STXBP4: variants seen among roughly 807,000 people sequenced by gnomAD.
STXBP4 encodes syntaxin-binding protein 4.
STXBP4 carries 55 observed loss-of-function variants against 76.1 expected under a neutral mutation model. The ratio of observed to expected loss-of-function variants is 0.72; its 90% CI spans 0.58 to 0.91. STXBP4 has a LOEUF of 0.91. STXBP4 is among the 40% of genes least tolerant of loss of function. STXBP4 has a pLI of 0.00. For synonymous variants in STXBP4, 201 were observed against 220.2 expected (o/e 0.91, Z 0.77); for missense variants, 618 against 636.9 (o/e 0.97, Z 0.32).
intron 4 of STXBP4, among the ~76,000 whole-genome samples, chr17:54,993,959 A>G (rs1161827487): frequency 6.6e-6 from 1 of 152,108 alleles, no homozygotes; most frequent in African/African-American, 2.4e-5. Context: ...GCCACCACCC[A>G]CCCCAAAAGT....
chr17:54,980,688 T>A (rs866987775), intron 1 of STXBP4, among the ~76,000 whole-genome samples: 2 of 152,330 alleles, frequency 1.3e-5, no homozygotes, highest in Middle Eastern at 6.8e-3. Context: ...TAGCCTCTCA[T>A]CCTTTTGTGG....
intron 12 of STXBP4, among the ~76,000 whole-genome samples, chr17:55,061,165 G>A (rs893843021): frequency 6.6e-6 from 1 of 152,194 alleles, no homozygotes; most frequent in Non-Finnish European, 1.5e-5. Flanking sequence ...GTAACAGCTA[G>A]TGCAGCTGAC....
chr17:55,185,289 T>TCC, the STXBP4 span, among the ~76,000 whole-genome samples: 8 of 115,626 alleles, frequency 6.9e-5, no homozygotes, highest in Middle Eastern at 4.3e-3. Context: ...CTCCTTCTCC[T>TCC]TCTCCTTCTC....
rs1230483740 is a variant in STXBP4, at chr17:55,167,242, A to C, written c.*7331A>C. The C allele has an allele frequency of 6.6e-6, 1 of 152,180 alleles. No individual in the cohort carries two copies. Among genetic ancestry groups the C allele is most frequent in the Non-Finnish European group, 1.5e-5 (1 of 68,032 alleles). 9.4% of individuals were successfully genotyped at this position (152,180 alleles called of 1,614,324 possible). A position where few individuals can be genotyped will look rare whatever the true frequency, so the allele number is the denominator to read the frequency against. ...GTAGACTGTGAGTCCTTTATTACTGACTCAGAGTCCATATATTATTTTTTA... is the reference window on the plus strand; with the variant it reads ...GTAGACTGTGAGTCCTTTATTACTGCCTCAGAGTCCATATATTATTTTTTA... On this transcript the variant is annotated 3_prime_UTR_variant, in exon 18 of 18. Transcript: ENST00000376352.
At chr17:54,988,686 A>G (rs2077663115) in intron 3 of STXBP4, among the ~76,000 whole-genome samples, 1 of 152,136 alleles carries the variant, frequency 6.6e-6, no homozygotes, top group Non-Finnish European at 1.5e-5. Flanking sequence ...GAGGTGGGAA[A>G]GTCGCTTAAC....
At chr17:55,041,228 C>CTT (rs373020633) in intron 10 of STXBP4, among the ~76,000 whole-genome samples, 175 of 122,158 alleles carry the variant, frequency 1.4e-3, no homozygotes, top group East Asian at 2.6e-3. Context: ...TTTATTTAAA[C>CTT]TTTTTTTTTT....
At chr17:55,001,463 C>T (rs1694203885) in intron 7 of STXBP4, among the ~76,000 whole-genome samples, 1 of 151,906 alleles carries the variant, frequency 6.6e-6, no homozygotes, top group Non-Finnish European at 1.5e-5. Context: ...CTATAAGGTG[C>T]TTACAGGATC....
In STXBP4 at chr17:54,998,040, T is replaced by C. The variant is rs561507435; in HGVS notation, c.181-1305T>C. Among the ~76,000 whole-genome samples the C allele has an allele frequency of 2.0e-5, 3 of 152,280 alleles. No individual in the cohort carries two copies. The East Asian group carries it at 5.8e-4, about 29-fold the overall frequency. On this transcript the variant is annotated intron_variant, in intron 4 of 17. Transcript: ENST00000376352. ...TCTATAAAATCCTTTCATGAATGTT[T>C]TATGTCAATTTTGTTGTTTTCCTAT...
intron 15 of STXBP4, among the ~76,000 whole-genome samples, chr17:55,080,651 A>G (rs2079244353): frequency 6.6e-6 from 1 of 152,234 alleles, no homozygotes; most frequent in African/African-American, 2.4e-5. Context: ...TATATTTAAT[A>G]TTACTAGAAG....
At position 55,159,813 on chromosome 17, in the gene STXBP4, A is replaced by G. The variant is rs889379943; in HGVS notation, c.1564A>G (p.Thr522Ala). The stretch of plus-strand genomic sequence containing the variant: ...CTTCTCAAGTCATGTAACACAGACT[A>G]CATCCTGGATCCATCCCGTGATGAG... ...KYFINHVTQT[T>A]SWIHPVMSVL... is the part of the protein sequence containing the mutation. The change falls in exon 18 of 18, where the codon ACA becomes GCA. Residue 522 changes from threonine to alanine, a missense_variant. Transcript: ENST00000376352. 6.2e-7 allele frequency: 1 copy of G among 1,611,750 alleles called. No homozygotes were observed. The highest frequency in any genetic ancestry group is 1.3e-5 in the African/African-American group (1 of 74,872).
At chr17:55,177,023 C>T (rs545366974), downstream of STXBP4, among the ~76,000 whole-genome samples, 1 of 152,088 alleles carries the variant, frequency 6.6e-6, no homozygotes, top group Non-Finnish European at 1.5e-5. Flanking sequence ...CAGACTGGGA[C>T]CAAATTACAC....
chr17:55,073,817 C>T (rs1034791241), intron 13 of STXBP4, among the ~76,000 whole-genome samples: 1 of 152,096 alleles, frequency 6.6e-6, no homozygotes, highest in South Asian at 2.1e-4. Flanking sequence ...TTTGTAGAGA[C>T]AGGGTTTCAC....
At chr17:55,094,165 G>GA (rs34886189) in intron 16 of STXBP4, among the ~76,000 whole-genome samples, 40,228 of 108,026 alleles carry the variant, frequency 0.37, 7,716 homozygotes, top group East Asian at 0.54. Context: ...TGAGGGACAG[G>GA]AAAAAAAAAA....
intron 16 of STXBP4, among the ~76,000 whole-genome samples, chr17:55,108,939 A>G (rs1368068772): frequency 1.3e-5 from 2 of 152,166 alleles, no homozygotes; most frequent in African/African-American, 4.8e-5. Flanking sequence ...CTGATAATAA[A>G]ATGCCCCCAA....
At chr17:55,119,922 A>G (rs992248623) in intron 16 of STXBP4, among the ~76,000 whole-genome samples, 67 of 152,210 alleles carry the variant, frequency 4.4e-4, no homozygotes, top group African/African-American at 1.6e-3. Context: ...TTGTGTTTCT[A>G]TAGCTAGCCT....
chr17:55,065,369 T>G (rs2079038801), intron 12 of STXBP4, among the ~76,000 whole-genome samples: 1 of 152,186 alleles, frequency 6.6e-6, no homozygotes, highest in Non-Finnish European at 1.5e-5. Context: ...AAAACAAAAT[T>G]TGATGAAATT....
At chr17:55,146,855 G>A (rs1437950119) in intron 17 of STXBP4, among the ~76,000 whole-genome samples, 1 of 152,186 alleles carries the variant, frequency 6.6e-6, no homozygotes, top group African/African-American at 2.4e-5. Context: ...CAATATGGCA[G>A]CTGTCTTCCT....
At chr17:55,045,803 C>T (rs1177603129) in intron 11 of STXBP4, among the ~76,000 whole-genome samples, 3 of 151,942 alleles carry the variant, frequency 2.0e-5, no homozygotes, top group Non-Finnish European at 4.4e-5. Context: ...ATTGGCTGGC[C>T]AGTTAAAGAA....
intron 12 of STXBP4, among the ~76,000 whole-genome samples, chr17:55,061,965 C>A (rs182738588): frequency 1.3e-5 from 2 of 152,168 alleles, no homozygotes; most frequent in East Asian, 3.9e-4. Flanking sequence ...GTGCATTCTC[C>A]TATACATGCC....
Sources: gnomAD v4.1 joint callset for allele counts (sites outside exome capture counted in the v4.1 genomes callset) on GRCh38, gnomAD v4.1.1 for gene constraint, MANE v1.5 for transcripts, NCBI Gene and HGNC (gene_info 2026-07-23, HGNC 2026-07-21) for gene names.